SUCLA2: variants seen among roughly 807,000 people sequenced by gnomAD.
The protein encoded by SUCLA2 is succinate-CoA ligase ADP-forming subunit beta.
A neutral mutation model predicts 54.8 loss-of-function variants in SUCLA2; 30 were observed. The ratio of observed to expected loss-of-function variants is 0.55; its 90% CI spans 0.41 to 0.74. SUCLA2 has a LOEUF of 0.74. Ranked by LOEUF, SUCLA2 falls within the 30% of genes least tolerant of loss-of-function variation. The pLI, the probability that SUCLA2 is intolerant of heterozygous loss-of-function variation, is 0.00. For missense variants in SUCLA2, 476 were observed against 562.9 expected (o/e 0.85, Z 1.56); for synonymous variants, 172 against 188.9 (o/e 0.91, Z 0.74).
intron 1 of SUCLA2, among the ~76,000 whole-genome samples, chr13:48,000,214 A>C (rs1372158606): frequency 1.3e-5 from 2 of 151,954 alleles, no homozygotes; most frequent in Non-Finnish European, 2.9e-5. Flanking sequence ...GTTACTTCAG[A>C]AAAAAACCCA....
chr13:47,954,730 T>C (rs1363806951), intron 6 of SUCLA2, among the ~76,000 whole-genome samples, 173 bp from the exon 7 acceptor site: 1 of 152,190 alleles, frequency 6.6e-6, no homozygotes, highest in Non-Finnish European at 1.5e-5. Context: ...AAAAAGAATA[T>C]TTGGGAATTA....
At chr13:47,994,081 A>G (rs1727350888) in intron 2 of SUCLA2, among the ~76,000 whole-genome samples, 1 of 150,506 alleles carries the variant, frequency 6.6e-6, no homozygotes, top group Non-Finnish European at 1.5e-5. Context: ...AAGAGTTTTT[A>G]TGAAATGAAA....
intron 8 of SUCLA2, among the ~76,000 whole-genome samples, chr13:47,949,951 A>G (rs1006423464): frequency 2.0e-5 from 3 of 152,354 alleles, no homozygotes; most frequent in African/African-American, 7.2e-5. Context: ...TCTCATGTGC[A>G]AGATCTCCAA....
intron 1 of SUCLA2, among the ~76,000 whole-genome samples, chr13:47,998,360 C>T (rs1288981534): frequency 6.6e-6 from 1 of 150,464 alleles, no homozygotes; most frequent in Non-Finnish European, 1.5e-5. Flanking sequence ...AGTATACCTC[C>T]ACCTTCTGAC....
chr13:48,000,548 A>C (rs538878171), intron 1 of SUCLA2, among the ~76,000 whole-genome samples: 1 of 152,306 alleles, frequency 6.6e-6, no homozygotes, highest in East Asian at 1.9e-4. Flanking sequence ...AAACAAGGCC[A>C]GTAACTATTA....
chr13:47,975,108 G>C (rs1950000173), intron 4 of SUCLA2, among the ~76,000 whole-genome samples: 1 of 150,676 alleles, frequency 6.6e-6, no homozygotes. Flanking sequence ...AAAAAAACAG[G>C]CATGACAACT....
intron 2 of SUCLA2, among the ~76,000 whole-genome samples, chr13:47,995,732 G>GGATTT (rs1458101371): frequency 6.6e-6 from 1 of 152,046 alleles, no homozygotes; most frequent in Non-Finnish European, 1.5e-5. Context: ...AAAATTGGTG[G>GGATTT]GATTTAAAAT....
chr13:47,956,655 G>A (rs1329379783), intron 6 of SUCLA2, among the ~76,000 whole-genome samples: 4 of 152,214 alleles, frequency 2.6e-5, no homozygotes, highest in Non-Finnish European at 5.9e-5. Context: ...TGAATCTAAA[G>A]TAGTAAATGT....
chr13:47,947,931 T>C (rs929891174), intron 10 of SUCLA2, among the ~76,000 whole-genome samples: 2 of 152,154 alleles, frequency 1.3e-5, no homozygotes, highest in Non-Finnish European at 2.9e-5. Flanking sequence ...TACTGACATA[T>C]TAACCAACTA....
chr13:47,942,919 G>T lies in SUCLA2; in HGVS notation c.*452C>A, dbSNP rs1949697130. On this transcript the variant is annotated 3_prime_UTR_variant, in exon 11 of 11. Coordinates refer to ENST00000646932, the MANE Select transcript of SUCLA2 (RefSeq NM_003850.3). Reference sequence around the variant, plus strand: ...AAATAGTGATTGATACATTTATCATGTATTTGGTGCTGAAGATAAACACTT... The same window carrying T: ...AAATAGTGATTGATACATTTATCATTTATTTGGTGCTGAAGATAAACACTT... 6.1e-6 allele frequency: 1 copy of T among 164,266 alleles called. No homozygotes were observed. The highest frequency in any genetic ancestry group is 2.4e-5 in the African/African-American group (1 of 41,526). 10.2% of individuals were successfully genotyped at this position (164,266 alleles called of 1,614,324 possible).
At chr13:47,972,116 A>G (rs1270304272) in intron 5 of SUCLA2, 3 of 345,594 alleles carry the variant, frequency 8.7e-6, no homozygotes, top group Admixed American at 9.6e-5. Flanking sequence ...TTAGCCGGGC[A>G]TGGTGACGTG....
At chr13:47,993,836 G>C (rs536422842) in intron 2 of SUCLA2, among the ~76,000 whole-genome samples, 4 of 152,212 alleles carry the variant, frequency 2.6e-5, no homozygotes, top group African/African-American at 9.6e-5. Context: ...GGGAGTTTAA[G>C]ACCAGCCTGA....
intron 5 of SUCLA2, among the ~76,000 whole-genome samples, chr13:47,970,730 G>A (rs535501876): frequency 3.9e-5 from 6 of 152,084 alleles, no homozygotes; most frequent in African/African-American, 1.4e-4. Context: ...CATGGTGGCG[G>A]GCGCCTGTAA....
Position 47,942,888 on chromosome 13 carries a change from G to A in SUCLA2, c.*483C>T, listed in dbSNP as rs1482641050. ...ATTCTGAGGAGTGTTTGAAAGCTCTGTTTATAAATAGTGATTGATACATTT... is the reference window on the plus strand; with the variant it reads ...ATTCTGAGGAGTGTTTGAAAGCTCTATTTATAAATAGTGATTGATACATTT... On this transcript the variant is annotated 3_prime_UTR_variant, in exon 11 of 11. Transcript: ENST00000646932. The A allele has an allele frequency of 6.3e-6, 1 of 159,014 alleles. No individual in the cohort carries two copies. The highest frequency in any genetic ancestry group is 2.4e-5 in the African/African-American group (1 of 41,458). The allele number at this position is 159,014 out of a possible 1,614,324, so 9.9% of individuals were successfully genotyped here. A position where few individuals can be genotyped will look rare whatever the true frequency, so the allele number is the denominator to read the frequency against.
intron 1 of SUCLA2, 77 bp from the exon 2 acceptor site, chr13:47,997,100 CT>C: frequency 6.8e-7 from 1 of 1,470,678 alleles, no homozygotes. Context: ...TTCTTCATAA[CT>C]ATAACAAAAC....
rs775386509 is a variant in SUCLA2 at position 47,949,493 on chromosome 13, TACC to T, written c.1215_1217del (p.Val406del). ...ACCTTTTATACTCACCTTGTAACCG[TACC>T]ACAACAGGTATTTTAATTTCCAAGT... On this transcript the variant is annotated inframe_deletion, in exon 9 of 11. Transcript: ENST00000646932. The T allele has an allele frequency of 1.9e-6, 3 of 1,613,524 alleles. No individual in the cohort carries two copies. The highest frequency in any genetic ancestry group is 1.1e-5 in the South Asian group (1 of 91,068).
intron 2 of SUCLA2, among the ~76,000 whole-genome samples, chr13:47,992,495 C>T (rs1950158048): frequency 1.3e-5 from 2 of 150,470 alleles, no homozygotes. Context: ...TCGAAACAAA[C>T]ATTTTATTCA....
Position 47,988,723 on chromosome 13 carries a change from T to A in SUCLA2, c.372-20A>T. 1.2e-6 allele frequency: 2 copies of A among 1,612,926 alleles called. No individual in the cohort carries two copies. Among genetic ancestry groups the A allele is most frequent in the Non-Finnish European group, 1.7e-6 (2 of 1,179,682 alleles). ...TCTGGACTAAAATAAGAAAAAGAAC[T>A]CAAATTTTTCTTTCCTCCAGTTGAG... On this transcript the variant is annotated intron_variant, in intron 3 of 10. Transcript: ENST00000646932.
At chr13:47,977,201 T>G (rs1950021789) in intron 4 of SUCLA2, among the ~76,000 whole-genome samples, 1 of 152,090 alleles carries the variant, frequency 6.6e-6, no homozygotes, top group Non-Finnish European at 1.5e-5. Context: ...TAGAAGACAT[T>G]GATAACTTGC....
Sources: allele counts gnomAD v4.1 joint callset (sites outside exome capture counted in the v4.1 genomes callset), GRCh38; gene constraint gnomAD v4.1.1; transcripts MANE v1.5; gene names NCBI Gene and HGNC (gene_info 2026-07-23, HGNC 2026-07-21).